EEF2K: variants seen among roughly 807,000 people sequenced by gnomAD.
The protein encoded by EEF2K is alternative protein EEF2K.
A neutral mutation model predicts 93.8 loss-of-function variants in EEF2K; 70 were observed. The ratio of observed to expected loss-of-function variants is 0.75; its 90% confidence interval spans 0.62 to 0.91. The LOEUF is 0.91. Among genes scored for constraint, EEF2K ranks in the 40% least tolerant of loss-of-function variants. EEF2K has a pLI of 0.00. For missense variants in EEF2K, 935 were observed against 972.9 expected (o/e 0.96, Z 0.52); for synonymous variants, 376 against 380.8 (o/e 0.99, Z 0.15).
intron 1 of EEF2K, among the ~76,000 whole-genome samples, chr16:22,207,183 G>A (rs939912204): frequency 1.6e-4 from 24 of 152,230 alleles, no homozygotes; most frequent in African/African-American, 5.8e-4. Flanking sequence ...TGTGTGCCAA[G>A]GGGCTGGGCA....
intron 1 of EEF2K, among the ~76,000 whole-genome samples, chr16:22,210,089 A>G (rs767693383): frequency 2.0e-5 from 3 of 152,150 alleles, no homozygotes; most frequent in Non-Finnish European, 2.9e-5. Context: ...GCCGTGCCCA[A>G]CCATATAAGA....
At chr16:22,209,819 G>T (rs2046898030) in intron 1 of EEF2K, among the ~76,000 whole-genome samples, 1 of 152,202 alleles carries the variant, frequency 6.6e-6, no homozygotes, top group Admixed American at 6.5e-5. Context: ...TTGAGACAGG[G>T]TCTTGCTCTG....
intron 1 of EEF2K, among the ~76,000 whole-genome samples, chr16:22,212,686 G>C (rs1202330532): frequency 6.6e-6 from 1 of 152,100 alleles, no homozygotes; most frequent in Non-Finnish European, 1.5e-5. Context: ...AGAGGGTTGG[G>C]GAGGGCTCCT....
chr16:22,256,638 AG>A, intron 6 of EEF2K, 109 bp from the exon 7 acceptor site: 1 of 1,317,852 alleles, frequency 7.6e-7, no homozygotes, highest in Non-Finnish European at 1.0e-6. Flanking sequence ...TAAGTCATGG[AG>A]CCAGGGTCTG....
intron 2 of EEF2K, among the ~76,000 whole-genome samples, chr16:22,244,141 A>G (rs932315238): frequency 1.3e-5 from 2 of 151,356 alleles, no homozygotes; most frequent in African/African-American, 2.4e-5. Context: ...AGGCATGAGA[A>G]TTGCTTGAAC....
intron 2 of EEF2K, among the ~76,000 whole-genome samples, chr16:22,241,560 G>T (rs1013662478): frequency 2.1e-5 from 3 of 141,748 alleles, no homozygotes; most frequent in Non-Finnish European, 4.5e-5. Flanking sequence ...CAGGAAAATT[G>T]CTTGAACCCA....
chr16:22,276,128 T>G (rs968511963), intron 16 of EEF2K, among the ~76,000 whole-genome samples: 1 of 151,532 alleles, frequency 6.6e-6, no homozygotes. Flanking sequence ...TAATTTTTTG[T>G]AGAGACAAGG....
At chr16:22,270,775 T>A (rs1248125868) in intron 15 of EEF2K, among the ~76,000 whole-genome samples, 8 of 152,108 alleles carry the variant, frequency 5.3e-5, no homozygotes, top group Admixed American at 5.2e-4. Context: ...TCAGATTACA[T>A]CATTTGACAT....
In EEF2K at chr16:22,266,404, G is replaced by T. The variant is rs766455215; in HGVS notation, c.1455G>T (p.Lys485Asn). 2 of 1,614,124 alleles carry T rather than the reference G, an allele frequency of 1.2e-6. No homozygotes were observed. The highest frequency in any genetic ancestry group is 1.3e-5 in the African/African-American group (1 of 75,044). The change falls in exon 14 of 18, where the codon AAG (lysine) becomes AAT (asparagine). Residue 485 changes from lysine (K) to asparagine (N), a missense_variant. Physicochemically the swap from Lys to Asn is moderately conservative, Grantham distance 94. Coordinates refer to ENST00000263026, the MANE Select transcript of EEF2K (RefSeq NM_013302.5). Reference sequence around the variant, plus strand: ...TTTCCCTTCAGGTATGTGTAGAGAAGTGGAATCTCCTCAACTCCTCCCGCC... The same window carrying T: ...TTTCCCTTCAGGTATGTGTAGAGAATTGGAATCTCCTCAACTCCTCCCGCC... ...LGSSGRVCVE[K>N]WNLLNSSRLH...
At chr16:22,261,124 GC>G (rs1598195973) in intron 11 of EEF2K, among the ~76,000 whole-genome samples, 1 of 152,170 alleles carries the variant, frequency 6.6e-6, no homozygotes, top group East Asian at 1.9e-4. Flanking sequence ...TATAATCCCA[GC>G]ACTTTGGGAG....
chr16:22,251,174 A>G lies in EEF2K; in HGVS notation c.470A>G (p.His157Arg), dbSNP rs146134752. 4 of 1,613,928 alleles carry G rather than the reference A, an allele frequency of 2.5e-6. No individual in the cohort carries two copies. The African/African-American group carries it at 4.0e-5, about 16-fold the overall frequency. Residue 157 changes from histidine (H) to arginine (R), a missense_variant, in exon 6 of 18, where the codon CAT becomes CGT. His to Arg is a conservative substitution (Grantham distance 29). Coordinates refer to ENST00000263026, the MANE Select transcript of EEF2K (RefSeq NM_013302.5). ...AGGAAGAAGCTCTCCAACTTCTTGC[A>G]TGCCCAGCAGTGGAAGGGCGCCTCC... Reference protein sequence around the residue: ...FRTKKLSNFLHAQQWKGASNY... With the variant: ...FRTKKLSNFLRAQQWKGASNY...
intron 1 of EEF2K, 72 bp from the exon 2 acceptor site, chr16:22,225,582 T>G: frequency 8.1e-7 from 1 of 1,239,512 alleles, no homozygotes; most frequent in Non-Finnish European, 1.1e-6. Flanking sequence ...CTGCAGCATT[T>G]GGGGTGAGGG....
In EEF2K at chr16:22,244,775, G is replaced by T. The variant is rs373963789; in HGVS notation, c.347+45G>T. 8.1e-6 allele frequency: 13 copies of T among 1,596,944 alleles called. No individual in the cohort carries two copies. The African/African-American group carries it at 9.4e-5, about 12-fold the overall frequency. On this transcript the variant is annotated intron_variant, in intron 3 of 17. Transcript: ENST00000263026. ...TCTCGAGGAGTCCTGGGGGCTATAC[G>T]TCCAGCTTCTGTTCCCAATCAGTGA...
At chr16:22,223,678 T>C (rs1331504787) in intron 1 of EEF2K, among the ~76,000 whole-genome samples, 1 of 152,178 alleles carries the variant, frequency 6.6e-6, no homozygotes, top group African/African-American at 2.4e-5. Context: ...GTGAATTATC[T>C]TGGCACCCTT....
intron 15 of EEF2K, among the ~76,000 whole-genome samples, chr16:22,270,294 T>A (rs2047565776): frequency 6.8e-6 from 1 of 146,504 alleles, no homozygotes; most frequent in East Asian, 2.0e-4. Context: ...AATTTTTGTA[T>A]TTTTTTTTTT....
At chr16:22,243,534 G>A (rs1022327033) in intron 2 of EEF2K, among the ~76,000 whole-genome samples, 5 of 151,342 alleles carry the variant, frequency 3.3e-5, no homozygotes, top group African/African-American at 1.2e-4. Context: ...TTACAGGCAC[G>A]AGCCACTGCA....
At chr16:22,252,320 C>T (rs1417630661) in intron 6 of EEF2K, among the ~76,000 whole-genome samples, 1 of 152,230 alleles carries the variant, frequency 6.6e-6, no homozygotes, top group Non-Finnish European at 1.5e-5. Context: ...TCCTCCATCT[C>T]TGGCCTGGGT....
In EEF2K at chr16:22,266,748, T is replaced by A; in HGVS notation, c.1636T>A (p.Trp546Arg). ...GCGCTTCTGCGAGAAGGGCGAGGAG[T>A]GGGACCAGGAGTCGGCTGTCTTCCA... ...GGRFCEKGEE[W>R]DQESAVFHLE... is the part of the protein sequence containing the mutation. The change falls in exon 15 of 18, where the codon TGG (tryptophan) becomes AGG (arginine). Residue 546 changes from tryptophan (W) to arginine (R), a missense_variant. Trp to Arg is a moderately radical substitution (Grantham distance 101, BLOSUM62 -3). Coordinates refer to ENST00000263026, the MANE Select transcript of EEF2K (RefSeq NM_013302.5). 6.2e-7 allele frequency: 1 copy of A among 1,613,878 alleles called. No homozygotes were observed. Among genetic ancestry groups the A allele is most frequent in the Non-Finnish European group, 8.5e-7 (1 of 1,179,946 alleles).
intron 17 of EEF2K, among the ~76,000 whole-genome samples, chr16:22,282,814 A>G (rs183303821): frequency 4.4e-4 from 67 of 152,344 alleles, no homozygotes; most frequent in Non-Finnish European, 4.7e-4. Flanking sequence ...GGACTAAGAC[A>G]CAGACTGTGT....
Sources: allele counts gnomAD v4.1 joint callset (sites outside exome capture counted in the v4.1 genomes callset), GRCh38; gene constraint gnomAD v4.1.1; transcripts MANE v1.5; gene names NCBI Gene and HGNC (gene_info 2026-07-23, HGNC 2026-07-21).